Variants in KCNJ6 observed in about 807,000 individuals in gnomAD.
KCNJ6 encodes the protein G protein-activated inward rectifier potassium channel 2.
Under a neutral mutation model 34.2 loss-of-function variants are expected in KCNJ6, and 9 were observed. The ratio of observed to expected loss-of-function variants is 0.26; its 90% confidence interval spans 0.16 to 0.46. The LOEUF (loss-of-function observed/expected upper bound fraction) is 0.46, where lower values mean the gene tolerates loss of function less well. KCNJ6 is among the 20% of genes least tolerant of loss of function. The pLI, the probability that KCNJ6 is intolerant of heterozygous loss-of-function variation, is 1.00. For missense variants in KCNJ6, 236 were observed against 531.3 expected, an observed-to-expected ratio of 0.44 and a Z score of 5.46; for synonymous variants, 196 against 207.1, an observed-to-expected ratio of 0.95 and a Z score of 0.46.
intron 3 of KCNJ6, among the ~76,000 whole-genome samples, chr21:37,660,622 C>G (rs944654244): frequency 2.1e-4 from 32 of 152,322 alleles, no homozygotes; most frequent in Non-Finnish European, 1.9e-4. Context: ...AGGCAGCAAA[C>G]ACACACCTCA....
At chr21:37,865,597 GA>G (rs2055618819) in intron 1 of KCNJ6, among the ~76,000 whole-genome samples, 1 of 152,230 alleles carries the variant, frequency 6.6e-6, no homozygotes, top group African/African-American at 2.4e-5. Flanking sequence ...ATCATTTTAT[GA>G]ATGGAGGAGC....
chr21:37,709,526 AAG>A (rs1491023263), intron 3 of KCNJ6, among the ~76,000 whole-genome samples: 20,517 of 151,070 alleles, frequency 0.14, 1,699 homozygotes, highest in East Asian at 0.37. Context: ...AAAAAAAGAA[AAG>A]AAAAGAAAAG....
chr21:37,806,860 G>C (rs1202460186), intron 2 of KCNJ6, among the ~76,000 whole-genome samples: 1 of 151,938 alleles, frequency 6.6e-6, no homozygotes, highest in Non-Finnish European at 1.5e-5. Context: ...ACTTAACTAA[G>C]GAATTTTTTG....
At chr21:37,840,456 A>C (rs1318856926) in intron 2 of KCNJ6, among the ~76,000 whole-genome samples, 1 of 152,222 alleles carries the variant, frequency 6.6e-6, no homozygotes, top group African/African-American at 2.4e-5. Flanking sequence ...AGCTTCAGCA[A>C]AGAATTTGAC....
intron 2 of KCNJ6, among the ~76,000 whole-genome samples, chr21:37,794,229 G>T (rs1335243641): frequency 6.6e-6 from 1 of 152,182 alleles, no homozygotes; most frequent in East Asian, 1.9e-4. Flanking sequence ...TTCTCCATCT[G>T]TTGGTTGTGA....
intron 2 of KCNJ6, among the ~76,000 whole-genome samples, chr21:37,763,177 C>A (rs985698161): frequency 6.6e-6 from 1 of 152,166 alleles, no homozygotes; most frequent in Non-Finnish European, 1.5e-5. Flanking sequence ...CAGCTGTGTG[C>A]CTTTCCTGGG....
chr21:37,724,780 T>C lies in KCNJ6; in HGVS notation c.26-9649A>G, dbSNP rs565553525. 3.0e-4 allele frequency among the ~76,000 whole-genome samples: 45 copies of C among 152,120 alleles called. 1 individual carries two copies. Among genetic ancestry groups the C allele is most frequent in the Non-Finnish European group, 7.3e-5 (5 of 68,034 alleles). On this transcript the variant is annotated intron_variant, in intron 2 of 3. Coordinates refer to ENST00000609713, the MANE Select transcript of KCNJ6 (RefSeq NM_002240.5). Reference sequence around the variant, plus strand: ...ACCTGGAGCAGTTGCAGAGGAAGCATTTCTCAAGGGCATTATTCACTGCAG... The same window carrying C: ...ACCTGGAGCAGTTGCAGAGGAAGCACTTCTCAAGGGCATTATTCACTGCAG...
chr21:37,753,849 G>A (rs2055009829), intron 2 of KCNJ6, among the ~76,000 whole-genome samples: 1 of 152,142 alleles, frequency 6.6e-6, no homozygotes, highest in African/African-American at 2.4e-5. Flanking sequence ...TACACTCCTT[G>A]GTCTCTGAGA....
chr21:37,709,518 A>AAAAAG (rs60819007), intron 3 of KCNJ6, among the ~76,000 whole-genome samples: 78,386 of 145,556 alleles, frequency 0.54, 21,317 homozygotes, highest in African/African-American at 0.67. Flanking sequence ...CTGTCTCAAA[A>AAAAAG]AAAAGAAAAG....
At chr21:37,774,114 C>G (rs1478987994) in intron 2 of KCNJ6, among the ~76,000 whole-genome samples, 1 of 152,126 alleles carries the variant, frequency 6.6e-6, no homozygotes, top group East Asian at 1.9e-4. Flanking sequence ...CTTGTCTTAT[C>G]CTTACTGATA....
intron 3 of KCNJ6, among the ~76,000 whole-genome samples, chr21:37,711,408 T>C (rs1368053197): frequency 6.6e-6 from 1 of 152,130 alleles, no homozygotes; most frequent in Non-Finnish European, 1.5e-5. Flanking sequence ...TGGAGACCAC[T>C]GAGCACAGCA....
intron 2 of KCNJ6, among the ~76,000 whole-genome samples, chr21:37,788,682 T>C (rs537843741): frequency 1.6e-4 from 24 of 152,226 alleles, no homozygotes; most frequent in South Asian, 1.5e-3. Flanking sequence ...CCAGGTGCCA[T>C]GTGTATAAGC....
At position 37,649,591 on chromosome 21, in the gene KCNJ6, G is replaced by A. The variant is rs375958377; in HGVS notation, c.947-24107C>T. On this transcript the variant is annotated intron_variant, in intron 3 of 3. Transcript: ENST00000609713. ...CACCACCGCGATGTAGCCAGACCCC[G>A]CATCACCTTTGCTAGGCTGTGCCTT... Among the ~76,000 whole-genome samples the A allele has an allele frequency of 2.6e-5, 4 of 152,198 alleles. No homozygotes were observed. The East Asian group carries it at 5.8e-4, about 22-fold the overall frequency.
chr21:37,687,510 G>A (rs561690999), intron 3 of KCNJ6, among the ~76,000 whole-genome samples: 21 of 152,272 alleles, frequency 1.4e-4, no homozygotes, highest in Non-Finnish European at 2.4e-4. Flanking sequence ...TGTAAGGTGG[G>A]TAGAAACATT....
chr21:37,858,237 A>T (rs1427801444), intron 1 of KCNJ6, among the ~76,000 whole-genome samples: 1 of 151,564 alleles, frequency 6.6e-6, no homozygotes, highest in Non-Finnish European at 1.5e-5. Context: ...TAAAAATACA[A>T]AAAAAATTAG....
chr21:37,839,189 G>A (rs1601495485), intron 2 of KCNJ6, among the ~76,000 whole-genome samples: 1 of 152,146 alleles, frequency 6.6e-6, no homozygotes, highest in African/African-American at 2.4e-5. Context: ...TTCAAACCAA[G>A]TTGTAAATTC....
chr21:37,842,021 A>AAC (rs1329819384), intron 1 of KCNJ6, among the ~76,000 whole-genome samples: 59 of 152,382 alleles, frequency 3.9e-4, no homozygotes, highest in African/African-American at 1.4e-3. Context: ...CTGACAGTGT[A>AAC]TAAAAGTGTT....
chr21:37,862,861 G>A (rs1423217874), intron 1 of KCNJ6, among the ~76,000 whole-genome samples: 1 of 152,216 alleles, frequency 6.6e-6, no homozygotes, highest in Non-Finnish European at 1.5e-5. Flanking sequence ...GGAGGAAAAA[G>A]CAGGACTGGC....
At chr21:37,645,023 T>TG (rs200378529) in intron 3 of KCNJ6, among the ~76,000 whole-genome samples, 6,859 of 147,438 alleles carry the variant, frequency 0.047, 405 homozygotes, top group African/African-American at 0.15. Flanking sequence ...GTGGGTTTTT[T>TG]TTTTTTTTTT....
Sources: gnomAD v4.1 joint callset for allele counts (sites outside exome capture counted in the v4.1 genomes callset) on GRCh38, gnomAD v4.1.1 for gene constraint, MANE v1.5 for transcripts, NCBI Gene and HGNC (gene_info 2026-07-23, HGNC 2026-07-21) for gene names.